Variants in MEX3A observed in about 807,000 individuals in gnomAD.
MEX3A encodes RNA-binding protein MEX3A.
In MEX3A, 4 loss-of-function variants were observed where a neutral mutation model predicts 30.0. That is an observed-to-expected ratio of 0.13 (90% CI 0.07 to 0.30). MEX3A has a LOEUF of 0.30. Among genes scored for constraint, MEX3A ranks in the 10% least tolerant of loss-of-function variants. MEX3A has a pLI of 1.00. For synonymous variants in MEX3A, 335 were observed against 327.6 expected, an observed-to-expected ratio of 1.02 and a Z score of -0.24; for missense variants, 555 against 736.7, an observed-to-expected ratio of 0.75 and a Z score of 2.86.
At position 156,074,696 on chromosome 1, in the gene MEX3A, A is replaced by G. The variant is rs1367496618; in HGVS notation, c.*1878T>C. 7.4e-6 allele frequency: 1 copy of G among 134,778 alleles called. No homozygotes were observed. The highest frequency in any genetic ancestry group is 2.7e-5 in the African/African-American group (1 of 36,496). The allele number at this position is 134,778 out of a possible 1,614,324, so 8.3% of individuals were successfully genotyped here. A position where few individuals can be genotyped will look rare whatever the true frequency, so the allele number is the denominator to read the frequency against. On this transcript the variant is annotated 3_prime_UTR_variant, in exon 2 of 2. Coordinates refer to ENST00000532414, the MANE Select transcript of MEX3A (RefSeq NM_001093725.2). ...TGCCCCCCGGCAACCGAGGGTGCCC[A>G]TTTGGTTTGGTTTCTATTGTACAGA...
At position 156,077,710 on chromosome 1, in the gene MEX3A, CAAAG is replaced by C. The variant is rs761125367; in HGVS notation, c.455-32_455-29del. On this transcript the variant is annotated intron_variant, in intron 1 of 1. Transcript: ENST00000532414. This position sits in a 1 kb window ranked among gnomAD's most constrained non-coding sequence, Gnocchi z 8.3. ...GGGATAGGGCGGGGAAGGAGAGAGA[CAAAG>C]AAACGCACACAGCAAGGTTTGTGCT... The C allele has an allele frequency of 1.9e-6, 3 of 1,543,452 alleles. No individual in the cohort carries two copies. The highest frequency in any genetic ancestry group is 2.7e-5 in the African/African-American group (2 of 73,358).
Position 156,077,627 on chromosome 1 carries a change from C to A in MEX3A, c.510G>T (p.Val170=). 1 of 1,607,520 alleles carries A rather than the reference C, an allele frequency of 6.2e-7. No homozygotes were observed. Residue 170 remains valine (V), a synonymous_variant, in exon 2 of 2, where the codon GTG becomes GTT. Transcript: ENST00000532414. This position sits in a 1 kb window ranked among gnomAD's most constrained non-coding sequence, Gnocchi z 8.3. ...CCATGAACACTGGTTCCTCGCCCCTCACCGGTGTCTTGATGTAGGTGTTGG... is the reference window on the plus strand; with the variant it reads ...CCATGAACACTGGTTCCTCGCCCCTAACCGGTGTCTTGATGTAGGTGTTGG... The part of the protein sequence containing the change: ...AKTNTYIKTP[V]RGEEPVFMVT...
At position 156,074,913 on chromosome 1, in the gene MEX3A, G is replaced by A. The variant is rs1428450105; in HGVS notation, c.*1661C>T. The stretch of plus-strand genomic sequence containing the variant: ...CACCTCCACCTGCTCCATCCAGGAA[G>A]AATGGGACTCTGGAGCTTTAAGTGC... On this transcript the variant is annotated 3_prime_UTR_variant, in exon 2 of 2. Transcript: ENST00000532414. 6.5e-6 allele frequency: 1 copy of A among 152,814 alleles called. No homozygotes were observed. The highest frequency in any genetic ancestry group is 1.9e-4 in the East Asian group (1 of 5,334). 9.5% of individuals were successfully genotyped at this position (152,814 alleles called of 1,614,324 possible). A position where few individuals can be genotyped will look rare whatever the true frequency, so the allele number is the denominator to read the frequency against.
Position 156,082,226 on chromosome 1 carries a change from G to C in MEX3A, c.-228C>G, listed in dbSNP as rs1416782986. On this transcript the variant is annotated 5_prime_UTR_variant, in exon 1 of 2. Coordinates refer to ENST00000532414, the MANE Select transcript of MEX3A (RefSeq NM_001093725.2). ...CGACTCCCCTCGCCCCAGCCCCCGGGGTGGGGGTGGGGGGAAAGAGAAGCA... is the reference window on the plus strand; with the variant it reads ...CGACTCCCCTCGCCCCAGCCCCCGGCGTGGGGGTGGGGGGAAAGAGAAGCA... Among the ~76,000 whole-genome samples the C allele has an allele frequency of 3.3e-5, 5 of 151,336 alleles. No homozygotes were observed. Among genetic ancestry groups the C allele is most frequent in the Non-Finnish European group, 7.4e-5 (5 of 67,656 alleles).
At position 156,082,041 on chromosome 1, in the gene MEX3A, A is replaced by AGG; in HGVS notation, c.-44_-43insCC. 1 of 1,080,442 alleles carries AGG rather than the reference A, an allele frequency of 9.3e-7. No individual in the cohort carries two copies. Among genetic ancestry groups the AGG allele is most frequent in the Non-Finnish European group, 1.2e-6 (1 of 820,352 alleles). The allele number at this position is 1,080,442 out of a possible 1,614,324, so 66.9% of individuals were successfully genotyped here. ...GGGAGAGAGAGAGGGAGAGAGAGAG[A>AGG]GAGAGGTGGTGGAAGGGAAAAGAGG... On this transcript the variant is annotated 5_prime_UTR_variant, in exon 1 of 2. Coordinates refer to ENST00000532414, the MANE Select transcript of MEX3A (RefSeq NM_001093725.2).
At chr1:156,079,273 G>A (rs1482353109) in intron 1 of MEX3A, among the ~76,000 whole-genome samples, 1 of 152,010 alleles carries the variant, frequency 6.6e-6, no homozygotes, top group Non-Finnish European at 1.5e-5. Context: ...GAGTGCAGTG[G>A]CATAATCTCG....
intron 1 of MEX3A, among the ~76,000 whole-genome samples, chr1:156,080,724 C>T (rs1648196071): frequency 1.3e-5 from 2 of 151,836 alleles, no homozygotes; most frequent in South Asian, 4.2e-4. Context: ...CCCAACACAC[C>T]CAGACACACG....
chr1:156,078,029 C>G (rs1648119599), intron 1 of MEX3A, among the ~76,000 whole-genome samples: 1 of 152,160 alleles, frequency 6.6e-6, no homozygotes, highest in African/African-American at 2.4e-5. Flanking sequence ...AAACTACACT[C>G]CTTTCTCCCA....
chr1:156,076,992 T>C lies in MEX3A; in HGVS notation c.1145A>G (p.Tyr382Cys). 1.2e-6 allele frequency: 2 copies of C among 1,613,194 alleles called. No individual in the cohort carries two copies. The highest frequency in any genetic ancestry group is 2.2e-5 in the East Asian group (1 of 44,854). The change falls in exon 2 of 2, where the codon TAC (tyrosine) becomes TGC (cysteine). Residue 382 changes from tyrosine (Y) to cysteine (C), a missense_variant. Physicochemically the swap from Tyr to Cys is radical, Grantham distance 194 (BLOSUM62 -2). Around this residue, in one of 6 missense-constraint regions of MEX3A, gnomAD observed 281 missense variants for 265.1 expected, o/e 1.06. Coordinates refer to ENST00000532414, the MANE Select transcript of MEX3A (RefSeq NM_001093725.2). This position sits in a 1 kb window ranked among gnomAD's most constrained non-coding sequence, Gnocchi z 6.0. ...GYGVGKQDVY[Y>C]GVAETSPPLW... ...CGGGGGGCTAGTCTCGGCCACGCCGTAGTACACATCCTGCTTGCCCACGCC... is the reference window on the plus strand; with the variant it reads ...CGGGGGGCTAGTCTCGGCCACGCCGCAGTACACATCCTGCTTGCCCACGCC...
chr1:156,073,464 T>C lies in MEX3A; in HGVS notation c.*3110A>G, dbSNP rs370249011. ...CTGATCCAACCCTGGTATCTGAAGA[T>C]TGGGCAACTCAGGGTGGACTCAGCC... On this transcript the variant is annotated 3_prime_UTR_variant, in exon 2 of 2. Transcript: ENST00000532414. The C allele has an allele frequency of 9.2e-5, 14 of 152,710 alleles. No homozygotes were observed. Among genetic ancestry groups the C allele is most frequent in the African/African-American group, 3.4e-4 (14 of 41,412 alleles). 9.5% of individuals were successfully genotyped at this position (152,710 alleles called of 1,614,324 possible). A position where few individuals can be genotyped will look rare whatever the true frequency, so the allele number is the denominator to read the frequency against.
At chr1:156,080,336 G>A (rs1228262762) in intron 1 of MEX3A, among the ~76,000 whole-genome samples, 4 of 152,124 alleles carry the variant, frequency 2.6e-5, no homozygotes, top group African/African-American at 4.8e-5. Flanking sequence ...GGATCTCTCC[G>A]TGAAATCCCC....
intron 1 of MEX3A, among the ~76,000 whole-genome samples, chr1:156,080,086 C>T (rs61813324): frequency 0.095 from 14,498 of 152,230 alleles, 982 homozygotes; most frequent in Non-Finnish European, 0.14. Context: ...GAGGGACAAG[C>T]CCATCTGATG....
chr1:156,080,896 A>C (rs1473974999), intron 1 of MEX3A, among the ~76,000 whole-genome samples: 3 of 152,156 alleles, frequency 2.0e-5, no homozygotes, highest in African/African-American at 7.2e-5. Flanking sequence ...GGTCCAAGCC[A>C]GGACGTAGCA....
Position 156,077,557 on chromosome 1 carries a change from T to C in MEX3A, c.580A>G (p.Ile194Val). 1 of 1,612,574 alleles carries C rather than the reference T, an allele frequency of 6.2e-7. No individual in the cohort carries two copies. Among genetic ancestry groups the C allele is most frequent in the Non-Finnish European group, 8.5e-7 (1 of 1,179,372 alleles). ...ATGGAGAAGTGCTCCGCTGCTGAGA[T>C]GATTTCCCGCCGGGCTGTGGCCACG... ...EDVATARREI[I>V]SAAEHFSMIR... is the part of the protein sequence containing the mutation. Residue 194 changes from isoleucine to valine, a missense_variant, in exon 2 of 2, where the codon ATC (isoleucine) becomes GTC (valine). Ile to Val is a conservative substitution (Grantham distance 29). Coordinates refer to ENST00000532414, the MANE Select transcript of MEX3A (RefSeq NM_001093725.2). This position sits in a 1 kb window ranked among gnomAD's most constrained non-coding sequence, Gnocchi z 8.3.
In MEX3A at chr1:156,074,517, TTG is replaced by T. The variant is rs1648004492; in HGVS notation, c.*2055_*2056del. ...TATTTTGTCTCTCACTATTCGTGTT[TTG>T]TGTTTGTTTCTAGGTTTGGCTCAAT... On this transcript the variant is annotated 3_prime_UTR_variant, in exon 2 of 2. Coordinates refer to ENST00000532414, the MANE Select transcript of MEX3A (RefSeq NM_001093725.2). 2 of 152,650 alleles carry T rather than the reference TTG, an allele frequency of 1.3e-5. No individual in the cohort carries two copies. The highest frequency in any genetic ancestry group is 4.1e-4 in the South Asian group (2 of 4,826). 9.5% of individuals were successfully genotyped at this position (152,650 alleles called of 1,614,324 possible). A position where few individuals can be genotyped will look rare whatever the true frequency, so the allele number is the denominator to read the frequency against.
At position 156,082,393 on chromosome 1, in the gene MEX3A, C is replaced by T. The variant is rs1298688676; in HGVS notation, c.-395G>A. 6.6e-6 allele frequency among the ~76,000 whole-genome samples: 1 copy of T among 152,162 alleles called. No homozygotes were observed. Among genetic ancestry groups the T allele is most frequent in the Non-Finnish European group, 1.5e-5 (1 of 68,004 alleles). ...AGGCGCCCCCGTTAGGCTCCCGCAC[C>T]GAGCCCCAGTCCGGGAGCGGCGCTC... On this transcript the variant is annotated 5_prime_UTR_variant, in exon 1 of 2. Transcript: ENST00000532414.
rs1462169118 is a variant in MEX3A, at chr1:156,076,822, C to G, written c.1315G>C (p.Gly439Arg). Residue 439 changes from glycine (G) to arginine (R), a missense_variant, in exon 2 of 2, where the codon GGA (glycine) becomes CGA (arginine). Physicochemically the swap from Gly to Arg is moderately radical, Grantham distance 125 (BLOSUM62 -2). Coordinates refer to ENST00000532414, the MANE Select transcript of MEX3A (RefSeq NM_001093725.2). This position sits in a 1 kb window ranked among gnomAD's most constrained non-coding sequence, Gnocchi z 6.0. ...TCTCCCGGGGGGCGCCTCGGGAGTC[C>G]GGCCAGCTCGGGTCCCGCGGAAGTG... The part of the protein sequence containing the change: ...PATSAGPELA[G>R]LPRRPPGEPL... 6.4e-7 allele frequency: 1 copy of G among 1,550,826 alleles called. No homozygotes were observed. Among genetic ancestry groups the G allele is most frequent in the African/African-American group, 1.4e-5 (1 of 73,056 alleles).
In MEX3A at chr1:156,077,423, C is replaced by A. The variant is rs375579220; in HGVS notation, c.714G>T (p.Val238=). The part of the protein sequence containing the change: ...VRVPYRVVGL[V]VGPKGATIKR... ...TGATGGTTGCCCCTTTGGGGCCCAC[C>A]ACCAGCCCCACCACGCGGTAGGGCA... The change falls in exon 2 of 2, where the codon GTG becomes GTT. Residue 238 remains valine (V), a synonymous_variant. Coordinates refer to ENST00000532414, the MANE Select transcript of MEX3A (RefSeq NM_001093725.2). This position sits in a 1 kb window ranked among gnomAD's most constrained non-coding sequence, Gnocchi z 8.3. 3.1e-6 allele frequency: 5 copies of A among 1,613,706 alleles called. No individual in the cohort carries two copies. Among genetic ancestry groups the A allele is most frequent in the Non-Finnish European group, 4.2e-6 (5 of 1,179,768 alleles).
rs1382016725 is a variant in MEX3A at position 156,074,308 on chromosome 1, A to G, written c.*2266T>C. ...TTTCATATAATAAATTACCTAATAA[A>G]AAGTCTTTTTTTTTCATATTAGCCC... On this transcript the variant is annotated 3_prime_UTR_variant, in exon 2 of 2. Transcript: ENST00000532414. 6.6e-6 allele frequency: 1 copy of G among 152,174 alleles called. No individual in the cohort carries two copies. The highest frequency in any genetic ancestry group is 1.5e-5 in the Non-Finnish European group (1 of 67,958). The allele number at this position is 152,174 out of a possible 1,614,324, so 9.4% of individuals were successfully genotyped here. A position where few individuals can be genotyped will look rare whatever the true frequency, so the allele number is the denominator to read the frequency against.
Sources: gnomAD v4.1 joint callset for allele counts (sites outside exome capture counted in the v4.1 genomes callset) on GRCh38, gnomAD v4.1.1 for gene constraint, gnomAD v4.1.1 regional missense constraint, Gnocchi (gnomAD v3.1) non-coding constraint, MANE v1.5 for transcripts, NCBI Gene and HGNC (gene_info 2026-07-23, HGNC 2026-07-21) for gene names.